Variants in ZNF385B observed in about 807,000 individuals in gnomAD.
ZNF385B encodes zinc finger protein 533.
In ZNF385B, 23 loss-of-function variants were observed where a neutral mutation model predicts 39.2. The observed-to-expected ratio is 0.59, with a 90% CI of 0.42 to 0.83. ZNF385B has a LOEUF of 0.83. ZNF385B is among the 40% of genes least tolerant of loss of function. The pLI is 0.00. For synonymous variants in ZNF385B, 205 were observed against 222.6 expected, an observed-to-expected ratio of 0.92 and a Z score of 0.70; for missense variants, 552 against 598.9, an observed-to-expected ratio of 0.92 and a Z score of 0.82.
intron 5 of ZNF385B, among the ~76,000 whole-genome samples, chr2:179,484,763 CA>C (rs1234461266): frequency 1.3e-5 from 2 of 151,996 alleles, no homozygotes; most frequent in Middle Eastern, 3.4e-3. Context: ...TACAGGACAA[CA>C]AAAAAATGGA....
chr2:179,591,104 T>TAAAC (rs1553475616), intron 3 of ZNF385B, among the ~76,000 whole-genome samples: 5 of 149,708 alleles, frequency 3.3e-5, no homozygotes, highest in African/African-American at 1.2e-4. Flanking sequence ...ATGATTCATT[T>TAAAC]ACACACACAC....
chr2:179,583,072 A>G (rs1390740090), intron 3 of ZNF385B, among the ~76,000 whole-genome samples: 1 of 151,884 alleles, frequency 6.6e-6, no homozygotes, highest in Non-Finnish European at 1.5e-5. Context: ...CTGGTCTCAA[A>G]CTCCTGACCT....
chr2:179,741,485 C>G (rs572409456), intron 3 of ZNF385B, among the ~76,000 whole-genome samples: 139 of 152,108 alleles, frequency 9.1e-4, no homozygotes, highest in African/African-American at 3.2e-3. Context: ...ACACTCTCAG[C>G]AAAGGACCCT....
chr2:179,783,783 A>C (rs1362951928), intron 1 of ZNF385B, among the ~76,000 whole-genome samples: 1 of 152,106 alleles, frequency 6.6e-6, no homozygotes, highest in Non-Finnish European at 1.5e-5. Flanking sequence ...ACCATCTTAC[A>C]CCAGTCAGAA....
At chr2:179,773,319 CCTCAA>C (rs1323693570) in intron 1 of ZNF385B, among the ~76,000 whole-genome samples, 2 of 152,170 alleles carry the variant, frequency 1.3e-5, no homozygotes, top group Non-Finnish European at 2.9e-5. Flanking sequence ...AAGGCTCATT[CCTCAA>C]CTCAAGTCAA....
At chr2:179,619,455 C>T (rs993767496) in intron 3 of ZNF385B, among the ~76,000 whole-genome samples, 1 of 152,190 alleles carries the variant, frequency 6.6e-6, no homozygotes, top group African/African-American at 2.4e-5. Flanking sequence ...GAACCAAGCC[C>T]TGACGGATTC....
chr2:179,598,190 A>T (rs756809685), intron 3 of ZNF385B, among the ~76,000 whole-genome samples: 94 of 152,156 alleles, frequency 6.2e-4, no homozygotes, highest in Non-Finnish European at 1.2e-3. Flanking sequence ...AAGATATTTT[A>T]AAAATACAGC....
At chr2:179,796,506 C>T (rs1027006) in intron 1 of ZNF385B, among the ~76,000 whole-genome samples, 53,068 of 151,906 alleles carry the variant, frequency 0.35, 9,358 homozygotes, top group Middle Eastern at 0.49. Flanking sequence ...AGGAAAACCA[C>T]TTTGGAACAA....
chr2:179,541,700 T>C (rs13394735), intron 4 of ZNF385B, among the ~76,000 whole-genome samples: 7,693 of 152,246 alleles, frequency 0.051, 223 homozygotes, highest in South Asian at 0.087. Context: ...GTTTTTCAAA[T>C]ATATTCTGCT....
At chr2:179,493,782 C>CGTAT (rs2055793245) in intron 5 of ZNF385B, among the ~76,000 whole-genome samples, 2 of 89,526 alleles carry the variant, frequency 2.2e-5, no homozygotes, top group South Asian at 7.8e-4. Context: ...TATGTATATA[C>CGTAT]ACATATGTAT....
intron 3 of ZNF385B, among the ~76,000 whole-genome samples, chr2:179,747,712 G>T (rs529945401): frequency 6.6e-6 from 1 of 151,908 alleles, no homozygotes; most frequent in African/African-American, 2.4e-5. Flanking sequence ...AAAACCCTTC[G>T]GGCTTGATGC....
chr2:179,462,961 A>T (rs1324441685), intron 6 of ZNF385B, among the ~76,000 whole-genome samples: 1 of 152,152 alleles, frequency 6.6e-6, no homozygotes, highest in Non-Finnish European at 1.5e-5. Flanking sequence ...AATCACACAC[A>T]ATTATTTTAA....
intron 3 of ZNF385B, among the ~76,000 whole-genome samples, chr2:179,715,079 T>C (rs1386878090): frequency 6.6e-6 from 1 of 152,134 alleles, no homozygotes; most frequent in Non-Finnish European, 1.5e-5. Flanking sequence ...CTGTTATTGC[T>C]GACAAAATTA....
In ZNF385B at chr2:179,795,118, T is replaced by C. The variant is rs921149163; in HGVS notation, c.-154-24446A>G. On this transcript the variant is annotated intron_variant, in intron 1 of 9. Transcript: ENST00000410066. ...AATTTGAGTGACTTTGAAGATATAA[T>C]ACAAAGAGCCTGAAATCAAGGAAGC... Among the ~76,000 whole-genome samples, 4 of 151,790 alleles carry C rather than the reference T, an allele frequency of 2.6e-5. No homozygotes were observed. In the South Asian group the frequency reaches 6.2e-4, roughly 24 times the overall value.
rs78765099 is a variant in ZNF385B, at chr2:179,493,269, T to A, written c.553-9835A>T. 2.9e-4 allele frequency among the ~76,000 whole-genome samples: 44 copies of A among 152,172 alleles called. No individual in the cohort carries two copies. In the East Asian group the frequency reaches 7.9e-3, roughly 27 times the overall value. On this transcript the variant is annotated intron_variant, in intron 5 of 9. Coordinates refer to ENST00000410066, the MANE Select transcript of ZNF385B (RefSeq NM_152520.6). ...CTTTGTGACTTCTAGGAGCTTATAA[T>A]CTTGTGTAGAGGATAACAAAAGTGA...
intron 6 of ZNF385B, among the ~76,000 whole-genome samples, chr2:179,480,136 T>A (rs1442872472): frequency 6.6e-6 from 1 of 152,244 alleles, no homozygotes; most frequent in East Asian, 1.9e-4. Flanking sequence ...TTTTCACTTT[T>A]CATTTAAATA....
intron 3 of ZNF385B, among the ~76,000 whole-genome samples, chr2:179,662,195 G>A (rs1009434163): frequency 6.6e-6 from 1 of 152,098 alleles, no homozygotes; most frequent in Admixed American, 6.6e-5. Flanking sequence ...GGAAGCTGTG[G>A]TATATACAAA....
intron 3 of ZNF385B, among the ~76,000 whole-genome samples, chr2:179,640,822 G>A (rs558172777): frequency 5.9e-5 from 9 of 152,234 alleles, no homozygotes; most frequent in Non-Finnish European, 1.2e-4. Context: ...ATATTTTAAC[G>A]TTAGCCTGAA....
At chr2:179,564,815 T>C (rs1574825883) in intron 3 of ZNF385B, among the ~76,000 whole-genome samples, 1 of 152,110 alleles carries the variant, frequency 6.6e-6, no homozygotes, top group Admixed American at 6.6e-5. Context: ...CTGTATCCCA[T>C]TGGCACCTCA....
Sources: allele counts gnomAD v4.1 joint callset (sites outside exome capture counted in the v4.1 genomes callset), GRCh38; gene constraint gnomAD v4.1.1; transcripts MANE v1.5; gene names NCBI Gene and HGNC (gene_info 2026-07-23, HGNC 2026-07-21).